The following ATP2C2 variants were observed in gnomAD, a reference collection of about 807,000 sequenced individuals.
ATP2C2 encodes the protein ATPase secretory pathway Ca2+ transporting 2.
A neutral mutation model predicts 110.8 loss-of-function variants in ATP2C2; 171 were observed. That is an observed-to-expected ratio of 1.54 (90% CI 1.36 to 1.75). ATP2C2 has a LOEUF of 1.75. Ranked by LOEUF, ATP2C2 falls within the 40% of genes most tolerant of loss-of-function variation. The pLI is 0.00. For missense variants in ATP2C2, 1,963 were observed against 1,235.0 expected (o/e 1.59, Z -8.84); for synonymous variants, 804 against 508.4 (o/e 1.58, Z -7.82).
chr16:84,378,640 C>A (rs758060175), intron 1 of ATP2C2, among the ~76,000 whole-genome samples: 3 of 152,244 alleles, frequency 2.0e-5, no homozygotes, highest in African/African-American at 7.2e-5. Context: ...CAAGCCCTGT[C>A]TTGCTTTGAC....
chr16:84,439,281 G>T lies in ATP2C2; in HGVS notation c.1102G>T (p.Glu368Ter). Residue 368 changes from glutamate to a stop codon, truncating the protein, a stop_gained, in exon 12 of 27, where the codon GAG becomes TAG. Transcript: ENST00000262429. LOFTEE classifies it high-confidence loss of function. ...CATCGTGAAGAAGTTACCCATCGTG[G>T]AGACTTTAGGTGAGGGACTCCAGCT... ...RVIVKKLPIV[E>*]TLGCCSVLCS... 6.2e-7 allele frequency: 1 copy of T among 1,613,020 alleles called. No individual in the cohort carries two copies. The highest frequency in any genetic ancestry group is 8.5e-7 in the Non-Finnish European group (1 of 1,180,028).
intron 1 of ATP2C2, among the ~76,000 whole-genome samples, chr16:84,396,196 T>A (rs1039538050): frequency 1.3e-5 from 2 of 151,218 alleles, no homozygotes; most frequent in Middle Eastern, 6.8e-3. Context: ...AGCACTGGAA[T>A]CTCTGCAAGT....
intron 11 of ATP2C2, among the ~76,000 whole-genome samples, chr16:84,437,799 A>G (rs563295995): frequency 7.2e-5 from 11 of 152,366 alleles, no homozygotes; most frequent in African/African-American, 2.6e-4. Flanking sequence ...TACAGGCGTG[A>G]GCCACCACCC....
At chr16:84,397,069 C>G (rs1020701455) in intron 1 of ATP2C2, among the ~76,000 whole-genome samples, 4 of 151,828 alleles carry the variant, frequency 2.6e-5, no homozygotes, top group Non-Finnish European at 5.9e-5. Flanking sequence ...TTCCAGTAAC[C>G]TGGTGGAAAA....
chr16:84,417,760 G>A (rs933593166), intron 7 of ATP2C2, among the ~76,000 whole-genome samples: 7 of 152,212 alleles, frequency 4.6e-5, no homozygotes, highest in East Asian at 1.9e-4. Context: ...TTGATACCAC[G>A]AAGGTTATTT....
At chr16:84,424,599 T>TTTTTTTTTTTTTTTTTTTTTTTTTTTA (rs376880864) in intron 10 of ATP2C2, among the ~76,000 whole-genome samples, 2 of 131,250 alleles carry the variant, frequency 1.5e-5, no homozygotes, top group South Asian at 2.3e-4. Context: ...TTTTTTTTTT[T>TTTTTTTTTTTTTTTTTTTTTTTTTTTA]AACATTTTGG....
Position 84,459,404 on chromosome 16 carries a change from G to A in ATP2C2, c.2333+18G>A. On this transcript the variant is annotated intron_variant, in intron 23 of 26. Coordinates refer to ENST00000262429, the MANE Select transcript of ATP2C2 (RefSeq NM_014861.4). ...GCGCAGAGGTGAGGCAGGGCCGGCT[G>A]GGAGCCCTGTGTCTCTTTACCCACC... 6.2e-7 allele frequency: 1 copy of A among 1,612,000 alleles called. No individual in the cohort carries two copies. The highest frequency in any genetic ancestry group is 2.2e-5 in the East Asian group (1 of 44,860).
At chr16:84,378,918 T>C (rs543119494) in intron 1 of ATP2C2, among the ~76,000 whole-genome samples, 1 of 152,160 alleles carries the variant, frequency 6.6e-6, no homozygotes, top group Non-Finnish European at 1.5e-5. Context: ...GGTTCTCTTT[T>C]TCAGCCTCTA....
intron 1 of ATP2C2, among the ~76,000 whole-genome samples, chr16:84,376,863 T>G (rs1011290902): frequency 2.6e-5 from 4 of 152,218 alleles, no homozygotes; most frequent in Non-Finnish European, 2.9e-5. Flanking sequence ...TCTGTGCAAT[T>G]GCACTGGCCT....
intron 4 of ATP2C2, 78 bp from the exon 5 acceptor site, chr16:84,410,490 A>G: frequency 6.8e-7 from 1 of 1,474,742 alleles, no homozygotes; most frequent in Non-Finnish European, 9.5e-7. Flanking sequence ...CATTAAAGAC[A>G]AGCCCCTAGC....
At chr16:84,392,354 G>A (rs919020808) in intron 1 of ATP2C2, among the ~76,000 whole-genome samples, 1 of 152,054 alleles carries the variant, frequency 6.6e-6, no homozygotes. Flanking sequence ...GTTCCCTTGG[G>A]CTCCTAAACA....
chr16:84,435,112 T>C (rs1324342780), intron 11 of ATP2C2, among the ~76,000 whole-genome samples: 1 of 152,260 alleles, frequency 6.6e-6, no homozygotes, highest in Admixed American at 6.5e-5. Context: ...AACCATTCTA[T>C]TCAAACTGCC....
intron 21 of ATP2C2, among the ~76,000 whole-genome samples, chr16:84,456,355 G>C (rs866414269): frequency 6.6e-6 from 1 of 151,962 alleles, no homozygotes; most frequent in East Asian, 1.9e-4. Flanking sequence ...GTTTAGTCTT[G>C]GGAGAGTGTA....
chr16:84,450,755 A>G (rs1381585637), intron 17 of ATP2C2, among the ~76,000 whole-genome samples: 1 of 152,128 alleles, frequency 6.6e-6, no homozygotes, highest in African/African-American at 2.4e-5. Context: ...CCACAGAAAC[A>G]GAGTCAAGGC....
At position 84,459,231 on chromosome 16, in the gene ATP2C2, C is replaced by A. The variant is rs200321977; in HGVS notation, c.2217-39C>A. The A allele has an allele frequency of 1.5e-4, 240 of 1,614,020 alleles. 2 individuals carry two copies. The highest frequency in any genetic ancestry group is 4.7e-4 in the Admixed American group (28 of 60,008). ...TTCCGAGTGTCATTAAGCACCACGC[C>A]TGGCGGGCGGCCGCTGACTGGCTGC... On this transcript the variant is annotated intron_variant, in intron 22 of 26. Transcript: ENST00000262429.
At chr16:84,429,628 G>T (rs1374500061) in intron 11 of ATP2C2, among the ~76,000 whole-genome samples, 1 of 152,218 alleles carries the variant, frequency 6.6e-6, no homozygotes, top group African/African-American at 2.4e-5. Context: ...GTAGGTCTCA[G>T]TGGGGATGGA....
intron 6 of ATP2C2, among the ~76,000 whole-genome samples, chr16:84,413,739 C>A (rs1906591112): frequency 2.0e-5 from 3 of 152,118 alleles, no homozygotes; most frequent in African/African-American, 7.2e-5. Flanking sequence ...TGAAGCCCAC[C>A]CTTTGAGTCT....
At chr16:84,443,097 G>A (rs1205375492) in intron 15 of ATP2C2, among the ~76,000 whole-genome samples, 1 of 152,120 alleles carries the variant, frequency 6.6e-6, no homozygotes, top group African/African-American at 2.4e-5. Context: ...GGGATGGGTG[G>A]GAGCTGATGG....
At chr16:84,450,676 G>T (rs978507705) in intron 17 of ATP2C2, among the ~76,000 whole-genome samples, 1 of 152,086 alleles carries the variant, frequency 6.6e-6, no homozygotes, top group South Asian at 2.1e-4. Flanking sequence ...GTCAGTGAGG[G>T]GGCAAGGATG....
Sources: gnomAD v4.1 joint callset for allele counts (sites outside exome capture counted in the v4.1 genomes callset) on GRCh38, gnomAD v4.1.1 for gene constraint, MANE v1.5 for transcripts, NCBI Gene and HGNC (gene_info 2026-07-23, HGNC 2026-07-21) for gene names.